PCDHGB7: variants seen among roughly 807,000 people sequenced by gnomAD.
PCDHGB7 encodes protocadherin gamma subfamily B, 7, also known as protocadherin gamma-B7.
Under a neutral mutation model 61.4 loss-of-function variants are expected in PCDHGB7, and 37 were observed. The observed-to-expected ratio is 0.60, with a 90% CI of 0.46 to 0.79. PCDHGB7 has a LOEUF of 0.79. Among genes scored for constraint, PCDHGB7 ranks in the 30% least tolerant of loss-of-function variants. The pLI, the probability that PCDHGB7 is intolerant of heterozygous loss-of-function variation, is 0.00. For synonymous variants in PCDHGB7, 464 were observed against 503.5 expected (o/e 0.92, Z 1.05); for missense variants, 1,166 against 1,202.5 (o/e 0.97, Z 0.45).
At chr5:141,462,980 G>T (rs1249102130) in intron 1 of PCDHGB7, among the ~76,000 whole-genome samples, 1 of 152,006 alleles carries the variant, frequency 6.6e-6, no homozygotes, top group Non-Finnish European at 1.5e-5. Flanking sequence ...AGTAACTTTT[G>T]CCTTGGGCTA....
At chr5:141,510,818 A>C in intron 3 of PCDHGB7, 129 bp from the exon 4 acceptor site, 1 of 1,551,540 alleles carries the variant, frequency 6.4e-7, no homozygotes, top group Non-Finnish European at 8.7e-7. Context: ...TGACCCCTAT[A>C]TTCCCAGTGC....
rs772328241 is a variant in PCDHGB7 at position 141,491,340 on chromosome 5, C to A, written c.2416-3467C>A. On this transcript the variant is annotated intron_variant, in intron 1 of 3. Coordinates refer to ENST00000398594, the MANE Select transcript of PCDHGB7 (RefSeq NM_018927.4). The surrounding 1 kb of genome is among the most constrained non-coding windows in gnomAD (Gnocchi z 6.9). ...TTTACCTCATTGTGGCTCTAGCGACCGTCAGTCTCTTATCCCTAGTCACCT... is the reference window on the plus strand; with the variant it reads ...TTTACCTCATTGTGGCTCTAGCGACAGTCAGTCTCTTATCCCTAGTCACCT... 4.3e-6 allele frequency: 7 copies of A among 1,614,146 alleles called. No homozygotes were observed. Among genetic ancestry groups the A allele is most frequent in the Non-Finnish European group, 5.9e-6 (7 of 1,180,014 alleles).
rs200576950 is a variant in PCDHGB7 at position 141,477,475 on chromosome 5, C to T, written c.2416-17332C>T. The T allele has an allele frequency of 1.2e-6, 2 of 1,614,124 alleles. No individual in the cohort carries two copies. Among genetic ancestry groups the T allele is most frequent in the African/African-American group, 2.7e-5 (2 of 75,010 alleles). ...TTCAAGTGTCCGACATCAATGACAACCCTCCACAATCTTCTCAATCTTCCT... is the reference window on the plus strand; with the variant it reads ...TTCAAGTGTCCGACATCAATGACAATCCTCCACAATCTTCTCAATCTTCCT... On this transcript the variant is annotated intron_variant, in intron 1 of 3. Transcript: ENST00000398594. The surrounding 1 kb of genome is among the most constrained non-coding windows in gnomAD (Gnocchi z 4.9).
chr5:141,459,295 A>C (rs571675117), intron 1 of PCDHGB7, among the ~76,000 whole-genome samples: 2 of 152,368 alleles, frequency 1.3e-5, no homozygotes, highest in South Asian at 4.1e-4. Context: ...ATGGAATCCT[A>C]TAACATATAC....
In PCDHGB7 at chr5:141,486,757, C is replaced by A; in HGVS notation, c.2416-8050C>A. 5 of 1,614,228 alleles carry A rather than the reference C, an allele frequency of 3.1e-6. No homozygotes were observed. Among genetic ancestry groups the A allele is most frequent in the Non-Finnish European group, 4.2e-6 (5 of 1,180,036 alleles). ...CTCGATCCTTTGACTATGAGCAAAC[C>A]CAGACACTGCAGTTTGAGGTGCAGG... On this transcript the variant is annotated intron_variant, in intron 1 of 3. Coordinates refer to ENST00000398594, the MANE Select transcript of PCDHGB7 (RefSeq NM_018927.4). This position sits in a 1 kb window ranked among gnomAD's most constrained non-coding sequence, Gnocchi z 5.0.
intron 2 of PCDHGB7, among the ~76,000 whole-genome samples, chr5:141,504,355 C>T (rs974022699): frequency 6.6e-6 from 1 of 152,078 alleles, no homozygotes; most frequent in Non-Finnish European, 1.5e-5. Flanking sequence ...GTGCTAGGTG[C>T]TTCAGTAGGA....
intron 2 of PCDHGB7, among the ~76,000 whole-genome samples, chr5:141,503,638 T>C (rs1467962880): frequency 1.3e-5 from 2 of 151,908 alleles, no homozygotes; most frequent in Non-Finnish European, 2.9e-5. Flanking sequence ...AAATAATTAT[T>C]GAATCAATGG....
chr5:141,421,487 C>G (rs1447180364), intron 1 of PCDHGB7: 2 of 1,614,094 alleles, frequency 1.2e-6, no homozygotes, highest in Non-Finnish European at 1.7e-6. Context: ...AGCTTGATCA[C>G]GGCAGGCAGG....
At chr5:141,424,129 T>G in intron 1 of PCDHGB7, 1 of 492,066 alleles carries the variant, frequency 2.0e-6, no homozygotes, top group Non-Finnish European at 2.7e-6. Context: ...TCCTGTTGAT[T>G]TAATAGCATG....
In PCDHGB7 at chr5:141,489,362, C is replaced by T. The variant is rs1562129544; in HGVS notation, c.2416-5445C>T. 8 of 1,613,052 alleles carry T rather than the reference C, an allele frequency of 5.0e-6. No individual in the cohort carries two copies. Among genetic ancestry groups the T allele is most frequent in the South Asian group, 2.2e-5 (2 of 90,970 alleles). On this transcript the variant is annotated intron_variant, in intron 1 of 3. Coordinates refer to ENST00000398594, the MANE Select transcript of PCDHGB7 (RefSeq NM_018927.4). The surrounding 1 kb of genome is among the most constrained non-coding windows in gnomAD (Gnocchi z 4.5). ...TACTCAGTGGTGGAGGAGTCTGAGC[C>T]GGGGACGCTGGTGGGGAATGTTGCT...
chr5:141,509,601 G>A (rs2099877534), intron 3 of PCDHGB7, among the ~76,000 whole-genome samples: 1 of 152,144 alleles, frequency 6.6e-6, no homozygotes, highest in Non-Finnish European at 1.5e-5. Flanking sequence ...ATTCCGAGAG[G>A]CTGCATTCTA....
chr5:141,421,078 C>T (rs11575964), intron 1 of PCDHGB7: 20,754 of 627,892 alleles, frequency 0.033, 387 homozygotes, highest in Middle Eastern at 0.088. Context: ...GAGATGGATA[C>T]TCACAGATCC....
chr5:141,475,990 A>T, intron 1 of PCDHGB7: 1 of 1,140,672 alleles, frequency 8.8e-7, no homozygotes, highest in Non-Finnish European at 1.2e-6. Context: ...CGGCGAGCAA[A>T]TCAACGGCAT....
chr5:141,462,393 C>A (rs1465154354), intron 1 of PCDHGB7, among the ~76,000 whole-genome samples: 4 of 152,062 alleles, frequency 2.6e-5, no homozygotes, highest in African/African-American at 9.7e-5. Flanking sequence ...GTTAACATTT[C>A]TTTTATGGCA....
chr5:141,440,883 T>C (rs1435173649), intron 1 of PCDHGB7: 4 of 152,178 alleles, frequency 2.6e-5, no homozygotes, highest in Non-Finnish European at 5.9e-5. Flanking sequence ...AGCGTCGGCC[T>C]TCAGGAAGAT....
At chr5:141,450,836 T>A (rs991599340) in intron 1 of PCDHGB7, among the ~76,000 whole-genome samples, 2 of 149,760 alleles carry the variant, frequency 1.3e-5, no homozygotes, top group African/African-American at 4.9e-5. Flanking sequence ...ATTATTTTTT[T>A]TTTTTTGAGA....
At chr5:141,500,221 TTTA>T (rs1428029040) in intron 2 of PCDHGB7, among the ~76,000 whole-genome samples, 2 of 151,002 alleles carry the variant, frequency 1.3e-5, no homozygotes, top group Non-Finnish European at 2.9e-5. Flanking sequence ...TATTTATTTA[TTTA>T]TTGATACGTA....
In PCDHGB7 at chr5:141,493,364, TTGGAAC is replaced by T. The variant is rs1405602213; in HGVS notation, c.2416-1441_2416-1436del. Among the ~76,000 whole-genome samples, 1 of 152,184 alleles carries T rather than the reference TTGGAAC, an allele frequency of 6.6e-6. No homozygotes were observed. Among genetic ancestry groups the T allele is most frequent in the South Asian group, 2.1e-4 (1 of 4,824 alleles). On this transcript the variant is annotated intron_variant, in intron 1 of 3. Coordinates refer to ENST00000398594, the MANE Select transcript of PCDHGB7 (RefSeq NM_018927.4). The surrounding 1 kb of genome is among the most constrained non-coding windows in gnomAD (Gnocchi z 4.3). Reference sequence around the variant, plus strand: ...ATGTGTGCTTTTAATTTCTTGGCACTTGGAACTTTAAAAGCTTGAGGACAGGAGAGG... The same window carrying T: ...ATGTGTGCTTTTAATTTCTTGGCACTTTTAAAAGCTTGAGGACAGGAGAGG...
chr5:141,474,022 A>G (rs929139769), intron 1 of PCDHGB7, among the ~76,000 whole-genome samples: 1 of 152,160 alleles, frequency 6.6e-6, no homozygotes, highest in African/African-American at 2.4e-5. Flanking sequence ...GTGAGCTATG[A>G]TTATTCCACT....
Sources: allele counts gnomAD v4.1 joint callset (sites outside exome capture counted in the v4.1 genomes callset), GRCh38; gene constraint gnomAD v4.1.1; non-coding constraint Gnocchi (gnomAD v3.1); transcripts MANE v1.5; gene names NCBI Gene and HGNC (gene_info 2026-07-23, HGNC 2026-07-21).